Variants in SLC9A9 observed in about 807,000 individuals in gnomAD.
SLC9A9 encodes solute carrier family 9 member A9.
In SLC9A9, 62 loss-of-function variants were observed where a neutral mutation model predicts 77.8. That is an observed-to-expected ratio of 0.80 (90% confidence interval 0.65 to 0.98). The LOEUF (loss-of-function observed/expected upper bound fraction) is 0.98, where lower values mean the gene tolerates loss of function less well. Ranked by LOEUF, SLC9A9 falls within the 50% of genes least tolerant of loss-of-function variation. SLC9A9 has a pLI of 0.00. For missense variants in SLC9A9, 775 were observed against 774.9 expected (o/e 1.00, Z 0.00); for synonymous variants, 320 against 283.5 (o/e 1.13, Z -1.29).
Position 143,495,380 on chromosome 3 carries a change from C to A in SLC9A9, c.1158G>T (p.Thr386=). The A allele has an allele frequency of 6.2e-7, 1 of 1,614,146 alleles. No homozygotes were observed. The highest frequency in any genetic ancestry group is 8.5e-7 in the Non-Finnish European group (1 of 1,179,988). Residue 386 remains threonine, a synonymous_variant, in exon 10 of 16, where the codon ACG becomes ACT. Transcript: ENST00000316549. ...GAGCATTAAAGATATGATTCTGGAA[C>A]GTGAACAGTGCCAGGCCCATGTAAC... ...IFCYMGLALF[T]FQNHIFNALF... is the part of the protein sequence containing the mutation.
rs1193452135 is a variant in SLC9A9, at chr3:143,449,900, CAT to C, written c.1469+17135_1469+17136del. 1.7e-4 allele frequency among the ~76,000 whole-genome samples: 10 copies of C among 59,264 alleles called. 1 individual carries two copies. The highest frequency in any genetic ancestry group is 6.7e-4 in the South Asian group (1 of 1,494). The allele number at this position is 59,264 out of a possible 152,430, so 38.9% of individuals were successfully genotyped here. A position where few individuals can be genotyped will look rare whatever the true frequency, so the allele number is the denominator to read the frequency against. ...ATTATATAAATATATAATTATATAA[CAT>C]ATAATATAATATTACATAATATATA... On this transcript the variant is annotated intron_variant, in intron 12 of 15. Coordinates refer to ENST00000316549, the MANE Select transcript of SLC9A9 (RefSeq NM_173653.4).
At chr3:143,332,451 T>G (rs1201360029) in intron 14 of SLC9A9, among the ~76,000 whole-genome samples, 1 of 152,208 alleles carries the variant, frequency 6.6e-6, no homozygotes, top group Non-Finnish European at 1.5e-5. Flanking sequence ...GGAAGACCAT[T>G]TGAACCGGTG....
At chr3:143,570,376 T>C (rs1435556845) in intron 8 of SLC9A9, among the ~76,000 whole-genome samples, 3 of 152,176 alleles carry the variant, frequency 2.0e-5, no homozygotes, top group African/African-American at 7.2e-5. Flanking sequence ...GTGAATGAGC[T>C]TGCTTTCAGA....
chr3:143,789,763 C>T (rs954913277), intron 4 of SLC9A9, among the ~76,000 whole-genome samples: 4 of 152,080 alleles, frequency 2.6e-5, no homozygotes, highest in South Asian at 2.1e-4. Context: ...CCACACAGCC[C>T]CCTCACTCCT....
intron 6 of SLC9A9, among the ~76,000 whole-genome samples, chr3:143,606,436 C>CTCTCTCTCTCTCTCTATATATATATA (rs1419410834): frequency 3.7e-5 from 2 of 54,188 alleles, no homozygotes; most frequent in African/African-American, 1.5e-4. Flanking sequence ...CTCTCTCTCT[C>CTCTCTCTCTCTCTCTATATATATATA]TATATATATA....
chr3:143,560,206 C>A (rs2037057071), intron 8 of SLC9A9, among the ~76,000 whole-genome samples: 1 of 152,224 alleles, frequency 6.6e-6, no homozygotes, highest in Admixed American at 6.5e-5. Context: ...CCCAATTCTG[C>A]ATTTTTATAC....
intron 14 of SLC9A9, among the ~76,000 whole-genome samples, chr3:143,282,597 T>C (rs1938255206): frequency 6.6e-6 from 1 of 152,208 alleles, no homozygotes; most frequent in Non-Finnish European, 1.5e-5. Context: ...GAGAAGCCTC[T>C]CAGAGCATCA....
chr3:143,423,455 C>G (rs940220470), intron 12 of SLC9A9, among the ~76,000 whole-genome samples: 2 of 151,990 alleles, frequency 1.3e-5, no homozygotes, highest in Non-Finnish European at 2.9e-5. Context: ...AAGATGAGCC[C>G]AAAACATCTC....
chr3:143,735,679 G>A (rs1934924038), intron 4 of SLC9A9, among the ~76,000 whole-genome samples: 1 of 152,230 alleles, frequency 6.6e-6, no homozygotes, highest in African/African-American at 2.4e-5. Context: ...CACCAAATAA[G>A]TCTTTGAATG....
chr3:143,369,860 G>T (rs913929177), intron 13 of SLC9A9, among the ~76,000 whole-genome samples: 9 of 152,164 alleles, frequency 5.9e-5, no homozygotes, highest in Non-Finnish European at 1.0e-4. Flanking sequence ...AAAGTCAGCT[G>T]CCCTGTTGTG....
In SLC9A9 at chr3:143,645,187, T is replaced by A. The variant is rs575676006; in HGVS notation, c.755+7068A>T. On this transcript the variant is annotated intron_variant, in intron 6 of 15. Transcript: ENST00000316549. ...TCTATGAACTCATTCATTCAGTAGTTATTGGAGAACCTACCAAATAATTGC... is the reference window on the plus strand; with the variant it reads ...TCTATGAACTCATTCATTCAGTAGTAATTGGAGAACCTACCAAATAATTGC... 2.6e-5 allele frequency among the ~76,000 whole-genome samples: 4 copies of A among 152,328 alleles called. No homozygotes were observed. In the South Asian group the frequency reaches 6.2e-4, roughly 24 times the overall value.
intron 4 of SLC9A9, among the ~76,000 whole-genome samples, chr3:143,733,910 C>T (rs1934873153): frequency 6.6e-6 from 1 of 152,104 alleles, no homozygotes. Context: ...CTAAGAAAAC[C>T]TTGAGACTGG....
chr3:143,466,945 C>A, intron 12 of SLC9A9, 92 bp downstream of exon 12: 4 of 1,484,470 alleles, frequency 2.7e-6, no homozygotes, highest in Non-Finnish European at 3.7e-6. Flanking sequence ...GTAGGACCTG[C>A]CACTGTACTA....
At chr3:143,453,220 A>G (rs905272922) in intron 12 of SLC9A9, among the ~76,000 whole-genome samples, 4 of 152,082 alleles carry the variant, frequency 2.6e-5, no homozygotes, top group East Asian at 1.9e-4. Flanking sequence ...CAGAAGACAC[A>G]CCATTAAAAA....
chr3:143,640,685 ACCCAGT>A (rs1484712780), intron 6 of SLC9A9, among the ~76,000 whole-genome samples: 1 of 152,020 alleles, frequency 6.6e-6, no homozygotes, highest in Non-Finnish European at 1.5e-5. Context: ...ACATGGTGAA[ACCCAGT>A]CTTTACAAAA....
intron 13 of SLC9A9, among the ~76,000 whole-genome samples, chr3:143,376,098 A>C (rs898946600): frequency 6.6e-6 from 1 of 152,144 alleles, no homozygotes; most frequent in African/African-American, 2.4e-5. Flanking sequence ...GAAGGATGAC[A>C]CACTCTGCAG....
intron 4 of SLC9A9, among the ~76,000 whole-genome samples, chr3:143,759,459 C>A (rs189418532): frequency 8.0e-4 from 121 of 152,180 alleles, no homozygotes; most frequent in African/African-American, 2.8e-3. Context: ...TATGCAATAT[C>A]TACCTTATTC....
chr3:143,327,245 C>T (rs959421785), intron 14 of SLC9A9, among the ~76,000 whole-genome samples: 8 of 152,044 alleles, frequency 5.3e-5, no homozygotes, highest in Non-Finnish European at 1.2e-4. Context: ...AAAATCACTA[C>T]CTCCCACAAT....
At chr3:143,566,923 C>T (rs17580449) in intron 8 of SLC9A9, among the ~76,000 whole-genome samples, 29,899 of 152,094 alleles carry the variant, frequency 0.2, 2,984 homozygotes, top group Non-Finnish European at 0.22. Flanking sequence ...CTGTGCTTTT[C>T]GGTTATCTTT....
Sources: allele counts gnomAD v4.1 joint callset (sites outside exome capture counted in the v4.1 genomes callset), GRCh38; gene constraint gnomAD v4.1.1; transcripts MANE v1.5; gene names NCBI Gene and HGNC (gene_info 2026-07-23, HGNC 2026-07-21).